ZNF521: variants seen among roughly 807,000 people sequenced by gnomAD.
ZNF521 encodes the protein LYST-interacting protein 3.
Under a neutral mutation model 105.5 loss-of-function variants are expected in ZNF521, and 14 were observed. That is an observed-to-expected ratio of 0.13 (90% CI 0.09 to 0.21). The LOEUF (loss-of-function observed/expected upper bound fraction) is 0.21. ZNF521 is among the 10% of genes least tolerant of loss of function. The probability of loss-of-function intolerance (pLI) is 1.00; values close to 1 mark genes in which losing one functional copy is unlikely to be tolerated. For synonymous variants in ZNF521, 635 were observed against 606.0 expected (o/e 1.05, Z -0.70); for missense variants, 1,233 against 1,629.7 (o/e 0.76, Z 4.19).
At chr18:25,175,702 G>T (rs2035524937) in intron 5 of ZNF521, among the ~76,000 whole-genome samples, 1 of 152,140 alleles carries the variant, frequency 6.6e-6, no homozygotes, top group Non-Finnish European at 1.5e-5. Context: ...TTTAAGTGGT[G>T]AAATGACCTC....
intron 2 of ZNF521, among the ~76,000 whole-genome samples, chr18:25,349,443 C>A (rs1914605130): frequency 1.3e-5 from 2 of 152,254 alleles, no homozygotes; most frequent in Admixed American, 6.5e-5. Flanking sequence ...TGATTCACCT[C>A]GTTCCCGAAC....
In ZNF521 at chr18:25,085,502, T is replaced by C. The variant is rs186957908; in HGVS notation, c.3906+3963A>G. Among the ~76,000 whole-genome samples, 758 of 152,066 alleles carry C rather than the reference T, an allele frequency of 5.0e-3. 4 individuals carry two copies. The highest frequency in any genetic ancestry group is 6.9e-3 in the Non-Finnish European group (466 of 67,944). Reference sequence around the variant, plus strand: ...CTTGATCTCCTAAAGATGAACAATGTATAGTGAAGAATTATCTACATTCTG... The same window carrying C: ...CTTGATCTCCTAAAGATGAACAATGCATAGTGAAGAATTATCTACATTCTG... On this transcript the variant is annotated intron_variant, in intron 7 of 7. Coordinates refer to ENST00000361524, the MANE Select transcript of ZNF521 (RefSeq NM_015461.3).
chr18:25,083,931 A>ATTTTTTT (rs56364504), intron 7 of ZNF521, among the ~76,000 whole-genome samples: 4 of 57,890 alleles, frequency 6.9e-5, no homozygotes, highest in Non-Finnish European at 9.1e-5. Flanking sequence ...AACCTGGGTA[A>ATTTTTTT]TTTTTTTTTT....
intron 5 of ZNF521, among the ~76,000 whole-genome samples, chr18:25,130,664 C>T (rs978021328): frequency 6.6e-6 from 1 of 152,122 alleles, no homozygotes; most frequent in African/African-American, 2.4e-5. Flanking sequence ...AAATCCAGCC[C>T]AGGCACTATG....
At chr18:25,262,912 A>G (rs1267483682) in intron 3 of ZNF521, among the ~76,000 whole-genome samples, 3 of 152,214 alleles carry the variant, frequency 2.0e-5, no homozygotes, top group Non-Finnish European at 4.4e-5. Flanking sequence ...ACTGCCAAGA[A>G]ACAGCTTTGT....
At chr18:25,215,743 C>T (rs2036268521) in intron 4 of ZNF521, among the ~76,000 whole-genome samples, 1 of 152,080 alleles carries the variant, frequency 6.6e-6, no homozygotes, top group South Asian at 2.1e-4. Flanking sequence ...GTAGATGCAG[C>T]AAATTCAATA....
chr18:25,267,056 C>G (rs897780946), intron 3 of ZNF521, among the ~76,000 whole-genome samples: 1 of 152,244 alleles, frequency 6.6e-6, no homozygotes, highest in Non-Finnish European at 1.5e-5. Flanking sequence ...GCACAGCAGT[C>G]GAAGGTTGAC....
At chr18:25,090,824 T>A (rs1395803664) in intron 6 of ZNF521, among the ~76,000 whole-genome samples, 1 of 152,174 alleles carries the variant, frequency 6.6e-6, no homozygotes, top group African/African-American at 2.4e-5. Flanking sequence ...GAACCTAGAC[T>A]CTTGACTCGT....
At chr18:25,194,684 T>C (rs1182784413) in intron 5 of ZNF521, among the ~76,000 whole-genome samples, 2 of 151,732 alleles carry the variant, frequency 1.3e-5, no homozygotes, top group African/African-American at 4.8e-5. Context: ...GTTGAAACCA[T>C]ACATATAAAA....
chr18:25,318,816 A>C (rs540529133), intron 3 of ZNF521, among the ~76,000 whole-genome samples: 1 of 152,270 alleles, frequency 6.6e-6, no homozygotes, highest in South Asian at 2.1e-4. Flanking sequence ...TATTATAGTA[A>C]GTATGCATGT....
chr18:25,276,246 A>G (rs1460613160), intron 3 of ZNF521, among the ~76,000 whole-genome samples: 5 of 152,018 alleles, frequency 3.3e-5, no homozygotes, highest in African/African-American at 1.2e-4. Flanking sequence ...CCAGACAGAA[A>G]GTGCTACCTT....
intron 5 of ZNF521, among the ~76,000 whole-genome samples, chr18:25,142,118 G>A (rs948539239): frequency 6.6e-6 from 1 of 152,070 alleles, no homozygotes. Flanking sequence ...ATGGAAGAAT[G>A]AGCTTGGACC....
At chr18:25,284,065 G>A (rs975488076) in intron 3 of ZNF521, among the ~76,000 whole-genome samples, 1 of 152,122 alleles carries the variant, frequency 6.6e-6, no homozygotes, top group South Asian at 2.1e-4. Context: ...AGTCCCAGGA[G>A]GACCCTGAGT....
In ZNF521 at chr18:25,212,420, G is replaced by A. The variant is rs1336953411; in HGVS notation, c.3573+11925C>T. Reference sequence around the variant, plus strand: ...AGCTACTTGGGAGGCTGAGGCAGGAGAATCACTTGAACCCGGTAGGTGGAC... The same window carrying A: ...AGCTACTTGGGAGGCTGAGGCAGGAAAATCACTTGAACCCGGTAGGTGGAC... On this transcript the variant is annotated intron_variant, in intron 4 of 7. Transcript: ENST00000361524. 2.8e-5 allele frequency among the ~76,000 whole-genome samples: 4 copies of A among 141,486 alleles called. No individual in the cohort carries two copies. The Admixed American group carries it at 2.9e-4, about 10-fold the overall frequency. 92.8% of individuals were successfully genotyped at this position (141,486 alleles called of 152,430 possible). A position where few individuals can be genotyped will look rare whatever the true frequency, so the allele number is the denominator to read the frequency against.
At chr18:25,339,538 T>C (rs1007853604) in intron 2 of ZNF521, among the ~76,000 whole-genome samples, 1 of 152,242 alleles carries the variant, frequency 6.6e-6, no homozygotes, top group African/African-American at 2.4e-5. Context: ...TCTACCAGGA[T>C]ATAGACAATA....
chr18:25,230,405 C>T (rs1370423301), intron 3 of ZNF521, among the ~76,000 whole-genome samples: 1 of 152,196 alleles, frequency 6.6e-6, no homozygotes, highest in East Asian at 1.9e-4. Flanking sequence ...TTGGTCCACA[C>T]TCTTCAGGTA....
intron 5 of ZNF521, among the ~76,000 whole-genome samples, chr18:25,179,280 A>T (rs961336147): frequency 1.3e-5 from 2 of 150,850 alleles, no homozygotes; most frequent in Non-Finnish European, 3.0e-5. Flanking sequence ...CAGCCTCCAG[A>T]GTAGCTAGGA....
chr18:25,348,468 C>A (rs1479560063), intron 2 of ZNF521, among the ~76,000 whole-genome samples: 1 of 152,076 alleles, frequency 6.6e-6, no homozygotes, highest in Non-Finnish European at 1.5e-5. Flanking sequence ...AAGGCATACC[C>A]TGAAGAAAAA....
At chr18:25,275,077 T>C (rs1417963264) in intron 3 of ZNF521, among the ~76,000 whole-genome samples, 1 of 152,122 alleles carries the variant, frequency 6.6e-6, no homozygotes, top group East Asian at 1.9e-4. Flanking sequence ...TATAAAATAT[T>C]GCCAAAAAAA....
Sources: allele counts gnomAD v4.1 joint callset (sites outside exome capture counted in the v4.1 genomes callset), GRCh38; gene constraint gnomAD v4.1.1; transcripts MANE v1.5; gene names NCBI Gene and HGNC (gene_info 2026-07-23, HGNC 2026-07-21).